RAD50: variants seen among roughly 807,000 people sequenced by gnomAD.
The protein encoded by RAD50 is RAD50 double strand break repair protein.
RAD50 carries 132 observed loss-of-function variants against 168.8 expected under a neutral mutation model. The ratio of observed to expected loss-of-function variants is 0.78; its 90% confidence interval spans 0.68 to 0.90. RAD50 has a LOEUF of 0.90. Ranked by LOEUF, RAD50 falls within the 40% of genes least tolerant of loss-of-function variation. The pLI is 0.00. For synonymous variants in RAD50, 525 were observed against 497.4 expected, an observed-to-expected ratio of 1.06 and a Z score of -0.74; for missense variants, 1,347 against 1,534.4, an observed-to-expected ratio of 0.88 and a Z score of 2.04.
intron 24 of RAD50, 25 bp downstream of exon 24, chr5:132,640,830 G>T: frequency 6.2e-7 from 1 of 1,613,900 alleles, no homozygotes; most frequent in South Asian, 1.1e-5. Context: ...CACATGCTCT[G>T]GTTGAGTAAG....
chr5:132,614,435 A>G (rs959147993), intron 19 of RAD50, among the ~76,000 whole-genome samples: 1 of 152,004 alleles, frequency 6.6e-6, no homozygotes, highest in African/African-American at 2.4e-5. Flanking sequence ...ACTGCCTATA[A>G]TAATGCCTTT....
chr5:132,570,299 C>G (rs1750280003), intron 2 of RAD50, among the ~76,000 whole-genome samples: 1 of 152,052 alleles, frequency 6.6e-6, no homozygotes, highest in Non-Finnish European at 1.5e-5. Flanking sequence ...GAGCAAAGCC[C>G]CTTATACTAG....
rs368325198 is a variant in RAD50, at chr5:132,641,478, C to T, written c.3752+673C>T. 3.2e-3 allele frequency among the ~76,000 whole-genome samples: 489 copies of T among 152,272 alleles called. 2 individuals carry two copies. Among genetic ancestry groups the T allele is most frequent in the African/African-American group, 1.0e-2 (415 of 41,560 alleles). ...GAGGGCCAGAAGGAGAGCTCAGCAG[C>T]GCAGGGCCACCTTTCTGCAGCCATC... is the stretch of plus-strand genomic sequence containing the variant. On this transcript the variant is annotated intron_variant, in intron 24 of 24. Coordinates refer to ENST00000378823, the MANE Select transcript of RAD50 (RefSeq NM_005732.4).
chr5:132,575,179 A>G (rs1301187605), intron 2 of RAD50, among the ~76,000 whole-genome samples: 1 of 152,232 alleles, frequency 6.6e-6, no homozygotes, highest in Non-Finnish European at 1.5e-5. Context: ...AAAGGGTTTA[A>G]TGGACTACAG....
intron 24 of RAD50, chr5:132,641,716 C>CTCTT (rs1751725136): frequency 6.1e-6 from 1 of 163,078 alleles, no homozygotes; most frequent in African/African-American, 2.4e-5. Flanking sequence ...GTAGACCCAG[C>CTCTT]TCTTAAGAAA....
intron 19 of RAD50, among the ~76,000 whole-genome samples, chr5:132,613,544 C>A (rs1385668036): frequency 6.7e-6 from 1 of 150,310 alleles, no homozygotes; most frequent in Non-Finnish European, 1.5e-5. Context: ...ATTATTGAGT[C>A]AGGCACTATA....
chr5:132,634,767 G>T (rs1751541780), intron 21 of RAD50, among the ~76,000 whole-genome samples: 1 of 152,234 alleles, frequency 6.6e-6, no homozygotes, highest in Admixed American at 6.5e-5. Flanking sequence ...TCAAAATTCA[G>T]TGTTATAGTG....
At chr5:132,608,218 G>A (rs928731069) in intron 16 of RAD50, among the ~76,000 whole-genome samples, 18 of 152,140 alleles carry the variant, frequency 1.2e-4, no homozygotes, top group Admixed American at 2.6e-4. Flanking sequence ...CAGCAGTGAC[G>A]GGCACCTATA....
rs867973104 is a variant in RAD50 at position 132,637,119 on chromosome 5, A to G, written c.3394A>G (p.Ile1132Val). Residue 1132 changes from isoleucine (I) to valine (V), a missense_variant, in exon 22 of 25, where the codon ATA becomes GTA. Ile to Val is a conservative substitution (Grantham distance 29, BLOSUM62 3). Around this residue, in one of 3 missense-constraint regions of RAD50, gnomAD observed 635 missense variants for 739.2 expected, o/e 0.86. Transcript: ENST00000378823. ...ACCAATGACTTCCTTTTCCAGAGCA[A>G]TAATGAAATTTCACAGTATGAAAAT... is the stretch of plus-strand genomic sequence containing the variant. ...DIYYKTLDQA[I>V]MKFHSMKMEE... 2 of 1,608,082 alleles carry G rather than the reference A, an allele frequency of 1.2e-6. No homozygotes were observed. The highest frequency in any genetic ancestry group is 1.1e-5 in the South Asian group (1 of 90,808).
chr5:132,594,809 A>G, intron 11 of RAD50, 60 bp from the exon 12 acceptor site: 2 of 1,521,310 alleles, frequency 1.3e-6, no homozygotes, highest in South Asian at 2.3e-5. Flanking sequence ...TTGCCTACTC[A>G]AATTTTCAAA....
chr5:132,606,220 C>G (rs1011099364), intron 16 of RAD50, among the ~76,000 whole-genome samples: 4 of 151,806 alleles, frequency 2.6e-5, no homozygotes, highest in Non-Finnish European at 4.4e-5. Context: ...CAAAATAGAC[C>G]ACTAGCAAGA....
intron 21 of RAD50, among the ~76,000 whole-genome samples, chr5:132,619,520 C>T (rs750864172): frequency 2.6e-5 from 4 of 152,148 alleles, no homozygotes; most frequent in Non-Finnish European, 4.4e-5. Context: ...CCACTTCGGC[C>T]TCCCAAAGTG....
intron 16 of RAD50, among the ~76,000 whole-genome samples, chr5:132,607,233 T>G (rs1751000685): frequency 6.6e-6 from 1 of 152,222 alleles, no homozygotes; most frequent in African/African-American, 2.4e-5. Context: ...GGTTGGTTAA[T>G]TCTGTATAAG....
intron 5 of RAD50, among the ~76,000 whole-genome samples, chr5:132,585,806 C>A (rs1750586962): frequency 6.6e-6 from 1 of 151,956 alleles, no homozygotes; most frequent in Non-Finnish European, 1.5e-5. Flanking sequence ...GTTACCCAGG[C>A]TGGTCTCAAA....
chr5:132,570,115 A>C (rs1399548557), intron 2 of RAD50, among the ~76,000 whole-genome samples: 1 of 152,204 alleles, frequency 6.6e-6, no homozygotes, highest in Non-Finnish European at 1.5e-5. Context: ...CCTCAGCATA[A>C]CTGATGGAGG....
chr5:132,557,544 G>A, intron 1 of RAD50, 91 bp downstream of exon 1: 4 of 1,555,388 alleles, frequency 2.6e-6, no homozygotes, highest in Non-Finnish European at 3.5e-6. Flanking sequence ...AGGAGCAGAA[G>A]CGTCCCTAGG....
At chr5:132,639,370 AAG>A (rs1255916257) in intron 23 of RAD50, among the ~76,000 whole-genome samples, 10 of 151,956 alleles carry the variant, frequency 6.6e-5, no homozygotes, top group Non-Finnish European at 1.0e-4. Flanking sequence ...AAAAAAAAAA[AAG>A]AACATGCCAT....
intron 2 of RAD50, among the ~76,000 whole-genome samples, chr5:132,569,937 G>A (rs1158081858): frequency 6.6e-6 from 1 of 152,100 alleles, no homozygotes; most frequent in Non-Finnish European, 1.5e-5. Flanking sequence ...CAAAAATATA[G>A]CATGTAAAAA....
chr5:132,567,140 G>T (rs1750223569), intron 2 of RAD50, among the ~76,000 whole-genome samples: 1 of 151,688 alleles, frequency 6.6e-6, no homozygotes, highest in African/African-American at 2.4e-5. Flanking sequence ...TTAAATTCAT[G>T]CCAAGAAGTC....
Sources: gnomAD v4.1 joint callset for allele counts (sites outside exome capture counted in the v4.1 genomes callset) on GRCh38, gnomAD v4.1.1 for gene constraint, gnomAD v4.1.1 regional missense constraint, MANE v1.5 for transcripts, NCBI Gene and HGNC (gene_info 2026-07-23, HGNC 2026-07-21) for gene names.